Variants in AP3B1 observed in about 807,000 individuals in gnomAD.
AP3B1 encodes adaptor related protein complex 3 subunit beta 1.
AP3B1 carries 61 observed loss-of-function variants against 132.5 expected under a neutral mutation model. The observed-to-expected ratio is 0.46, with a 90% CI of 0.37 to 0.57. The LOEUF is 0.57. Ranked by LOEUF, AP3B1 falls within the 20% of genes least tolerant of loss-of-function variation. AP3B1 has a pLI of 0.00. For missense variants in AP3B1, 1,120 were observed against 1,289.4 expected (o/e 0.87, Z 2.01); for synonymous variants, 388 against 438.3 (o/e 0.89, Z 1.43).
intron 22 of AP3B1, among the ~76,000 whole-genome samples, chr5:78,084,521 C>CAAAAAAAAAAAAAAAAA (rs568637894): frequency 3.2e-4 from 14 of 43,974 alleles, no homozygotes; most frequent in Non-Finnish European, 3.6e-4. Flanking sequence ...CAGACCCTGT[C>CAAAAAAAAAAAAAAAAA]AAAAAAAAAA....
chr5:78,251,562 T>C (rs575433524), intron 2 of AP3B1, among the ~76,000 whole-genome samples: 1 of 152,344 alleles, frequency 6.6e-6, no homozygotes, highest in South Asian at 2.1e-4. Context: ...TGTGAGGCAC[T>C]GAACTCTGTG....
At chr5:78,198,862 T>C (rs989630648) in intron 7 of AP3B1, among the ~76,000 whole-genome samples, 1 of 152,198 alleles carries the variant, frequency 6.6e-6, no homozygotes, top group African/African-American at 2.4e-5. Flanking sequence ...GGAAAAAAAT[T>C]CACGTTTAAT....
chr5:78,148,522 T>C (rs1753510766), intron 14 of AP3B1, among the ~76,000 whole-genome samples: 1 of 152,216 alleles, frequency 6.6e-6, no homozygotes, highest in African/African-American at 2.4e-5. Flanking sequence ...ACAAAACCTT[T>C]AACATTCTTT....
chr5:78,270,485 T>C (rs1405858596), intron 1 of AP3B1, among the ~76,000 whole-genome samples: 1 of 152,086 alleles, frequency 6.6e-6, no homozygotes, highest in Non-Finnish European at 1.5e-5. Context: ...AAAAAGGATG[T>C]ATAAAAATAT....
At chr5:78,238,220 G>GGCT (rs1429078549) in intron 3 of AP3B1, among the ~76,000 whole-genome samples, 1 of 152,174 alleles carries the variant, frequency 6.6e-6, no homozygotes, top group African/African-American at 2.4e-5. Flanking sequence ...GAGGGATCTA[G>GGCT]GCTGCGTGCT....
Position 78,011,798 on chromosome 5 carries a change from G to T in AP3B1, c.3131+3612C>A, listed in dbSNP as rs553132521. On this transcript the variant is annotated intron_variant, in intron 26 of 26. Coordinates refer to ENST00000255194, the MANE Select transcript of AP3B1 (RefSeq NM_003664.5). ...AATGTAAAAATGTATAAAATTTGAA[G>T]AGTAGTAGAAATAAAGTATTCCAAA... 5.9e-5 allele frequency among the ~76,000 whole-genome samples: 9 copies of T among 152,208 alleles called. 1 individual carries two copies. The East Asian group carries it at 1.7e-3, about 29-fold the overall frequency.
intron 26 of AP3B1, among the ~76,000 whole-genome samples, chr5:78,004,216 C>A (rs1242477959): frequency 6.6e-6 from 1 of 152,162 alleles, no homozygotes; most frequent in African/African-American, 2.4e-5. Context: ...CAACAGCTCA[C>A]AATACATAAA....
intron 7 of AP3B1, among the ~76,000 whole-genome samples, chr5:78,204,657 G>A (rs1185508242): frequency 6.6e-6 from 1 of 152,178 alleles, no homozygotes; most frequent in Non-Finnish European, 1.5e-5. Context: ...TGTTCTGAGG[G>A]AGTTATGATT....
intron 22 of AP3B1, among the ~76,000 whole-genome samples, chr5:78,045,622 A>AT (rs1748299144): frequency 6.6e-6 from 1 of 152,158 alleles, no homozygotes; most frequent in East Asian, 1.9e-4. Flanking sequence ...TTAGTTCAAT[A>AT]TTTTGTACAT....
intron 21 of AP3B1, among the ~76,000 whole-genome samples, chr5:78,095,465 G>T (rs561921630): frequency 6.6e-6 from 1 of 152,284 alleles, no homozygotes; most frequent in African/African-American, 2.4e-5. Flanking sequence ...GAGAACCATT[G>T]CAGGCTAATA....
At chr5:78,119,986 G>A (rs998171653) in intron 17 of AP3B1, among the ~76,000 whole-genome samples, 6 of 152,202 alleles carry the variant, frequency 3.9e-5, no homozygotes, top group African/African-American at 1.4e-4. Flanking sequence ...ACTAACAGCT[G>A]ATCTCTTGGC....
At chr5:78,183,887 A>C (rs1375475759) in intron 7 of AP3B1, among the ~76,000 whole-genome samples, 2 of 147,566 alleles carry the variant, frequency 1.4e-5, no homozygotes, top group Non-Finnish European at 3.0e-5. Context: ...AAAAAAAAAA[A>C]GGCCAGGCAC....
intron 22 of AP3B1, among the ~76,000 whole-genome samples, chr5:78,051,474 T>C (rs1419226831): frequency 1.3e-5 from 2 of 152,144 alleles, no homozygotes. Context: ...TGAACATAGC[T>C]GTTCAAAATG....
At chr5:78,034,802 T>C (rs1330797066) in intron 23 of AP3B1, among the ~76,000 whole-genome samples, 2 of 151,958 alleles carry the variant, frequency 1.3e-5, no homozygotes, top group African/African-American at 4.8e-5. Flanking sequence ...GTAATGGACT[T>C]TGGGAGTTCA....
intron 11 of AP3B1, among the ~76,000 whole-genome samples, chr5:78,170,107 T>C (rs1373809016): frequency 1.3e-5 from 2 of 152,212 alleles, no homozygotes; most frequent in Admixed American, 6.5e-5. Context: ...AATGGCTGCA[T>C]AGTATTCCAT....
intron 17 of AP3B1, among the ~76,000 whole-genome samples, chr5:78,123,281 G>A (rs1451748657): frequency 6.6e-6 from 1 of 152,172 alleles, no homozygotes; most frequent in Non-Finnish European, 1.5e-5. Context: ...CAGGACAGAG[G>A]CATGGGCAAG....
At chr5:78,122,423 G>T (rs1165848909) in intron 17 of AP3B1, among the ~76,000 whole-genome samples, 3 of 152,198 alleles carry the variant, frequency 2.0e-5, no homozygotes, top group Non-Finnish European at 2.9e-5. Flanking sequence ...GTTTGCACAT[G>T]ACATGATTGT....
At chr5:78,261,114 T>A (rs922768673) in intron 2 of AP3B1, among the ~76,000 whole-genome samples, 11 of 152,350 alleles carry the variant, frequency 7.2e-5, no homozygotes, top group Middle Eastern at 3.4e-3. Flanking sequence ...TCAACTGTTG[T>A]CTGTATATAC....
chr5:78,242,239 C>A (rs2112520825), intron 2 of AP3B1, among the ~76,000 whole-genome samples: 1 of 152,302 alleles, frequency 6.6e-6, no homozygotes, highest in South Asian at 2.1e-4. Flanking sequence ...TGACCTTACT[C>A]ACTACTAGAA....
Sources: allele counts gnomAD v4.1 joint callset (sites outside exome capture counted in the v4.1 genomes callset), GRCh38; gene constraint gnomAD v4.1.1; transcripts MANE v1.5; gene names NCBI Gene and HGNC (gene_info 2026-07-23, HGNC 2026-07-21).